Variants in DUSP22 observed in about 807,000 individuals in gnomAD.
The protein encoded by DUSP22 is dual specificity phosphatase 22, also known as dual specificity protein phosphatase 22.
A neutral mutation model predicts 24.5 loss-of-function variants in DUSP22; 24 were observed. The observed-to-expected ratio is 0.98, with a 90% CI of 0.71 to 1.38. DUSP22 has a LOEUF of 1.38. DUSP22 is among the 40% of genes most tolerant of loss of function. DUSP22 has a pLI of 0.00. For missense variants in DUSP22, 330 were observed against 269.2 expected (o/e 1.23, Z -1.58); for synonymous variants, 160 against 106.4 (o/e 1.50, Z -3.10).
chr6:324,533 ACT>A (rs1758760270), intron 3 of DUSP22, among the ~76,000 whole-genome samples: 1 of 152,174 alleles, frequency 6.6e-6, no homozygotes, highest in Non-Finnish European at 1.5e-5. Context: ...ATTTCTCTCC[ACT>A]CTCCCACCCC....
chr6:339,472 T>C (rs1006367434), intron 4 of DUSP22, among the ~76,000 whole-genome samples: 8 of 152,308 alleles, frequency 5.3e-5, no homozygotes, highest in African/African-American at 7.2e-5. Context: ...TATTAACTTA[T>C]ATTTACTCAT....
Position 348,792 on chromosome 6 carries a change from A to G in DUSP22, c.459A>G (p.Glu153=), listed in dbSNP as rs997729293. 1 of 1,614,314 alleles carries G rather than the reference A, an allele frequency of 6.2e-7. No homozygotes were observed. The highest frequency in any genetic ancestry group is 1.7e-5 in the Admixed American group (1 of 60,038). The change falls in exon 7 of 7, where the codon GAA becomes GAG. Residue 153 remains glutamate, a synonymous_variant. Transcript: ENST00000419235. ...VHQYRQWLKE[E]YGESPLQDAE... is the part of the protein sequence containing the mutation. ...AGTATCGGCAGTGGCTGAAGGAAGAATATGGAGAGAGCCCTTTGCAGGATG... is the reference window on the plus strand; with the variant it reads ...AGTATCGGCAGTGGCTGAAGGAAGAGTATGGAGAGAGCCCTTTGCAGGATG...
intron 4 of DUSP22, among the ~76,000 whole-genome samples, chr6:338,406 A>T (rs1223001279): frequency 6.6e-6 from 1 of 152,288 alleles, no homozygotes; most frequent in Non-Finnish European, 1.5e-5. Flanking sequence ...TAATCAAATG[A>T]TTCCCCTCAA....
chr6:348,298 A>G, intron 6 of DUSP22, 24 bp downstream of exon 6: 1 of 1,613,724 alleles, frequency 6.2e-7, no homozygotes, highest in Non-Finnish European at 8.5e-7. Flanking sequence ...AGGGGACATC[A>G]GAGATGCAGG....
chr6:305,410 AC>A (rs1757778494), intron 2 of DUSP22, among the ~76,000 whole-genome samples: 1 of 152,304 alleles, frequency 6.6e-6, no homozygotes, highest in South Asian at 2.1e-4. Context: ...CTTATTTATA[AC>A]CTTTTACAAC....
At chr6:315,879 ATACGCGTTG>A (rs1440526943) in intron 3 of DUSP22, among the ~76,000 whole-genome samples, 1 of 152,304 alleles carries the variant, frequency 6.6e-6, no homozygotes, top group Non-Finnish European at 1.5e-5. Context: ...TATGCACAAG[ATACGCGTTG>A]TAGCTGCTTT....
At chr6:332,522 G>A (rs1759185392) in intron 3 of DUSP22, among the ~76,000 whole-genome samples, 1 of 152,304 alleles carries the variant, frequency 6.6e-6, no homozygotes. Flanking sequence ...GCCACAAAGG[G>A]GAACACAACC....
chr6:296,511 AC>A (rs1328460341), intron 1 of DUSP22, among the ~76,000 whole-genome samples: 3 of 152,418 alleles, frequency 2.0e-5, no homozygotes, highest in Admixed American at 6.5e-5. Context: ...TTAGGGTTAA[AC>A]TAAACAGGGT....
In DUSP22 at chr6:350,241, T is replaced by A; in HGVS notation, c.*1290T>A. 1.0e-6 allele frequency: 1 copy of A among 988,366 alleles called. No homozygotes were observed. Among genetic ancestry groups the A allele is most frequent in the Non-Finnish European group, 1.2e-6 (1 of 832,014 alleles). 61.2% of individuals were successfully genotyped at this position (988,366 alleles called of 1,614,324 possible). On this transcript the variant is annotated 3_prime_UTR_variant, in exon 7 of 7. Coordinates refer to ENST00000419235, the MANE Select transcript of DUSP22 (RefSeq NM_001286555.3). ...TTAAAGTTGCCAGTTTGGGCTCCAG[T>A]AATGCTTTCTGGTGGGTAAAATTCC... is the stretch of plus-strand genomic sequence containing the variant.
chr6:339,411 C>T (rs543611547), intron 4 of DUSP22, among the ~76,000 whole-genome samples: 31 of 152,390 alleles, frequency 2.0e-4, no homozygotes, highest in African/African-American at 7.2e-4. Context: ...TATTTTCTGT[C>T]TATTCAAGTA....
intron 6 of DUSP22, 194 bp from the exon 7 acceptor site, chr6:348,575 C>A: frequency 9.8e-7 from 1 of 1,019,430 alleles, no homozygotes; most frequent in Non-Finnish European, 1.4e-6. Context: ...TGTCCTAGGC[C>A]AGCACCTTGA....
At chr6:337,812 G>T (rs1031804334) in intron 4 of DUSP22, among the ~76,000 whole-genome samples, 1 of 152,306 alleles carries the variant, frequency 6.6e-6, no homozygotes, top group Admixed American at 6.5e-5. Context: ...TCCCAAATAT[G>T]TGAAGAGGTC....
chr6:314,686 C>T (rs1253442668), intron 3 of DUSP22, among the ~76,000 whole-genome samples: 2 of 152,296 alleles, frequency 1.3e-5, no homozygotes, highest in Non-Finnish European at 2.9e-5. Flanking sequence ...CCCTATTGTG[C>T]AGACATGTAT....
At chr6:312,060 AACGTAC>A in intron 3 of DUSP22, 98 bp downstream of exon 3, 2 of 1,280,220 alleles carry the variant, frequency 1.6e-6, no homozygotes, top group Admixed American at 4.5e-5. Context: ...CTCCAATGCG[AACGTAC>A]TCCTGTGATC....
At chr6:324,283 C>T (rs763157290) in intron 3 of DUSP22, among the ~76,000 whole-genome samples, 15 of 152,362 alleles carry the variant, frequency 9.8e-5, no homozygotes, top group Middle Eastern at 3.4e-3. Context: ...CAGCGGCAGG[C>T]GTGGAGAGGG....
At chr6:293,264 G>A (rs1370161671) in intron 1 of DUSP22, among the ~76,000 whole-genome samples, 1 of 152,286 alleles carries the variant, frequency 6.6e-6, no homozygotes, top group South Asian at 2.1e-4. Context: ...CTCACTTCCC[G>A]GGCGGTGGGC....
In DUSP22 at chr6:334,883, A is replaced by C. The variant is rs1455610394; in HGVS notation, c.139-231A>C. Among the ~76,000 whole-genome samples, 4 of 152,428 alleles carry C rather than the reference A, an allele frequency of 2.6e-5. No homozygotes were observed. The East Asian group carries it at 7.7e-4, about 29-fold the overall frequency. On this transcript the variant is annotated intron_variant, in intron 3 of 6. Coordinates refer to ENST00000419235, the MANE Select transcript of DUSP22 (RefSeq NM_001286555.3). ...TGATGTGCCCTTTGAATTTTGCCTA[A>C]ACCTACAGGCTGTTTGCAAACCAAA...
chr6:305,912 A>G (rs1216889091), intron 2 of DUSP22, among the ~76,000 whole-genome samples: 1 of 152,304 alleles, frequency 6.6e-6, no homozygotes, highest in African/African-American at 2.4e-5. Context: ...TCAGATTCAA[A>G]TTGATTGTAC....
chr6:322,355 G>A (rs983345568), intron 3 of DUSP22, among the ~76,000 whole-genome samples: 2 of 152,308 alleles, frequency 1.3e-5, no homozygotes, highest in East Asian at 3.8e-4. Context: ...AACCCCTTGT[G>A]TGGGTTCTAG....
Sources: gnomAD v4.1 joint callset for allele counts (sites outside exome capture counted in the v4.1 genomes callset) on GRCh38, gnomAD v4.1.1 for gene constraint, MANE v1.5 for transcripts, NCBI Gene and HGNC (gene_info 2026-07-23, HGNC 2026-07-21) for gene names.